The following NAALADL2 variants were observed in gnomAD, a reference collection of about 807,000 sequenced individuals.
NAALADL2 encodes the protein inactive N-acetylated-alpha-linked acidic dipeptidase-like protein 2.
In NAALADL2, 76 loss-of-function variants were observed where a neutral mutation model predicts 87.2. The ratio of observed to expected loss-of-function variants is 0.87; its 90% CI spans 0.72 to 1.05. The LOEUF (loss-of-function observed/expected upper bound fraction) is 1.05, where lower values mean the gene tolerates loss of function less well. NAALADL2 is among the 50% of genes least tolerant of loss of function. The pLI is 0.00. For synonymous variants in NAALADL2, 354 were observed against 331.0 expected, an observed-to-expected ratio of 1.07 and a Z score of -0.75; for missense variants, 1,089 against 945.8, an observed-to-expected ratio of 1.15 and a Z score of -1.99.
intron 10 of NAALADL2, among the ~76,000 whole-genome samples, chr3:175,597,351 G>A (rs1352135355): frequency 6.6e-6 from 1 of 151,992 alleles, no homozygotes; most frequent in Non-Finnish European, 1.5e-5. Context: ...GCAAGACCAT[G>A]TCTAATTCTA....
Position 174,606,063 on chromosome 3 carries a change from C to A in NAALADL2, c.-115+55426C>A, listed in dbSNP as rs554206331. 3.3e-3 allele frequency among the ~76,000 whole-genome samples: 498 copies of A among 152,314 alleles called. 1 individual carries two copies. The highest frequency in any genetic ancestry group is 0.011 in the African/African-American group (460 of 41,570). ...CTGCTGATACCCAGGCAAACAGGGTCTGGAGTGGACCTCTAGCAAACTCCA... is the reference window on the plus strand; with the variant it reads ...CTGCTGATACCCAGGCAAACAGGGTATGGAGTGGACCTCTAGCAAACTCCA... On this transcript the variant is annotated intron_variant, in intron 2 of 3. Coordinates refer to the NAALADL2 transcript ENST00000434257.
intron 2 of NAALADL2, among the ~76,000 whole-genome samples, chr3:175,125,199 G>T (rs552125555): frequency 6.6e-6 from 1 of 151,864 alleles, no homozygotes; most frequent in Non-Finnish European, 1.5e-5. Flanking sequence ...GAAATTAAAT[G>T]GATGGTTTAA....
chr3:174,921,365 A>G (rs759655307), intron 1 of NAALADL2, among the ~76,000 whole-genome samples: 10 of 152,134 alleles, frequency 6.6e-5, no homozygotes, highest in South Asian at 2.1e-4. Flanking sequence ...GTTATTTTTT[A>G]TTTTACGTGG....
chr3:174,557,666 G>T (rs1408355889), intron 2 of NAALADL2, among the ~76,000 whole-genome samples: 1 of 151,840 alleles, frequency 6.6e-6, no homozygotes, highest in Non-Finnish European at 1.5e-5. Context: ...ACATCATGAG[G>T]TAGTCGTCTG....
At chr3:175,231,807 A>T (rs893941445) in intron 2 of NAALADL2, among the ~76,000 whole-genome samples, 1 of 152,120 alleles carries the variant, frequency 6.6e-6, no homozygotes, top group African/African-American at 2.4e-5. Flanking sequence ...ACCTCATTTT[A>T]TATGGATTTT....
chr3:175,467,553 A>G (rs1692048996), intron 8 of NAALADL2, among the ~76,000 whole-genome samples: 2 of 152,190 alleles, frequency 1.3e-5, no homozygotes, highest in African/African-American at 4.8e-5. Context: ...AATGATCTGG[A>G]ATTAGGGAAC....
chr3:175,475,774 G>A (rs1725602707), intron 9 of NAALADL2, among the ~76,000 whole-genome samples: 1 of 152,156 alleles, frequency 6.6e-6, no homozygotes, highest in Non-Finnish European at 1.5e-5. Context: ...TGGAATGCAA[G>A]TGGTATGATC....
chr3:175,762,106 A>G (rs1748094665), intron 13 of NAALADL2, among the ~76,000 whole-genome samples: 1 of 151,200 alleles, frequency 6.6e-6, no homozygotes, highest in African/African-American at 2.4e-5. Context: ...ATTATCTTCT[A>G]GAAGTTTTAT....
chr3:174,886,192 C>T (rs1730125379), intron 1 of NAALADL2, among the ~76,000 whole-genome samples: 2 of 152,024 alleles, frequency 1.3e-5, no homozygotes, highest in South Asian at 4.1e-4. Context: ...GGATTACAGG[C>T]ATGAGCCACT....
intron 2 of NAALADL2, among the ~76,000 whole-genome samples, chr3:175,173,855 A>G (rs958286020): frequency 1.3e-5 from 2 of 152,208 alleles, no homozygotes; most frequent in African/African-American, 2.4e-5. Context: ...ATTTTCGTCT[A>G]TAGAGTTTAA....
At chr3:175,358,714 A>G (rs1179863087) in intron 5 of NAALADL2, among the ~76,000 whole-genome samples, 1 of 152,208 alleles carries the variant, frequency 6.6e-6, no homozygotes, top group Non-Finnish European at 1.5e-5. Flanking sequence ...ATAGTTCATG[A>G]CAAGACAACA....
intron 9 of NAALADL2, among the ~76,000 whole-genome samples, chr3:175,563,890 T>C (rs1003617491): frequency 6.6e-6 from 1 of 152,102 alleles, no homozygotes; most frequent in Non-Finnish European, 1.5e-5. Flanking sequence ...AATACAATGG[T>C]GTCCGCAAAG....
chr3:175,050,680 A>G (rs1360867642), intron 1 of NAALADL2, among the ~76,000 whole-genome samples: 2 of 152,194 alleles, frequency 1.3e-5, no homozygotes, highest in African/African-American at 2.4e-5. Flanking sequence ...AGGAATTACC[A>G]TACTATAAAG....
intron 1 of NAALADL2, among the ~76,000 whole-genome samples, chr3:175,084,637 A>T (rs1256134896): frequency 3.9e-5 from 6 of 152,226 alleles, no homozygotes; most frequent in African/African-American, 1.4e-4. Context: ...TGTATTCCTA[A>T]AAGAGCATAG....
intron 1 of NAALADL2, among the ~76,000 whole-genome samples, chr3:175,002,530 C>A (rs1748394736): frequency 6.6e-6 from 1 of 152,064 alleles, no homozygotes; most frequent in African/African-American, 2.4e-5. Flanking sequence ...TAATGATATG[C>A]TGGTCATGAA....
intron 2 of NAALADL2, among the ~76,000 whole-genome samples, chr3:174,625,057 C>CTCTCTTTTTTTTTTTTT (rs748895219): frequency 2.0e-4 from 16 of 78,856 alleles, no homozygotes; most frequent in East Asian, 6.1e-4. Context: ...CTCTCTCTCT[C>CTCTCTTTTTTTTTTTTT]TTTTTTTTTT....
At chr3:174,699,963 T>C (rs550573292) in intron 2 of NAALADL2, among the ~76,000 whole-genome samples, 13 of 152,180 alleles carry the variant, frequency 8.5e-5, no homozygotes, top group African/African-American at 3.1e-4. Flanking sequence ...TCAGATTTAA[T>C]TTTTTCTCTT....
intron 2 of NAALADL2, among the ~76,000 whole-genome samples, chr3:175,149,379 G>A (rs1731220187): frequency 6.6e-6 from 1 of 152,006 alleles, no homozygotes; most frequent in Admixed American, 6.6e-5. Context: ...ACATCAAAAA[G>A]GAAAGACAGT....
At chr3:174,513,049 C>T (rs937482678) in intron 1 of NAALADL2, among the ~76,000 whole-genome samples, 5 of 151,686 alleles carry the variant, frequency 3.3e-5, no homozygotes, top group African/African-American at 4.8e-5. Flanking sequence ...GCAACCTCTG[C>T]CTCCCGGGTT....
Sources: allele counts gnomAD v4.1 joint callset (sites outside exome capture counted in the v4.1 genomes callset), GRCh38; gene constraint gnomAD v4.1.1; transcripts MANE v1.5; gene names NCBI Gene and HGNC (gene_info 2026-07-23, HGNC 2026-07-21).